The following CFAP44 variants were observed in gnomAD, a reference collection of about 807,000 sequenced individuals.
CFAP44 encodes cilia and flagella associated protein 44, also known as cilia- and flagella-associated protein 44.
CFAP44 carries 134 observed loss-of-function variants against 216.2 expected under a neutral mutation model. That is an observed-to-expected ratio of 0.62 (90% confidence interval 0.54 to 0.72). CFAP44 has a LOEUF of 0.72. CFAP44 is among the 30% of genes least tolerant of loss of function. The probability of loss-of-function intolerance (pLI) is 0.00; values close to 1 mark genes in which losing one functional copy is unlikely to be tolerated. For synonymous variants in CFAP44, 700 were observed against 727.6 expected, an observed-to-expected ratio of 0.96 and a Z score of 0.61; for missense variants, 2,035 against 2,182.1, an observed-to-expected ratio of 0.93 and a Z score of 1.34.
At chr3:113,390,970 C>G (rs931154022) in intron 15 of CFAP44, among the ~76,000 whole-genome samples, 1 of 152,076 alleles carries the variant, frequency 6.6e-6, no homozygotes, top group Non-Finnish European at 1.5e-5. Context: ...CAATCACATT[C>G]TTCATACACA....
intron 18 of CFAP44, among the ~76,000 whole-genome samples, chr3:113,369,412 A>G (rs1238470625): frequency 6.6e-6 from 1 of 152,232 alleles, no homozygotes; most frequent in Non-Finnish European, 1.5e-5. Flanking sequence ...ACTAGAACTC[A>G]GGTTAATAAA....
chr3:113,337,074 C>CA lies in CFAP44; in HGVS notation c.3438-3492dup, dbSNP rs1427110583. Among the ~76,000 whole-genome samples the CA allele has an allele frequency of 4.7e-5, 7 of 149,442 alleles. No homozygotes were observed. In the South Asian group the frequency reaches 1.5e-3, roughly 32 times the overall value. ...ACACTTAAAATACCAAGAAACCTAC[C>CA]AAAAAAATCTTACAACTGAGACAGT... is the stretch of plus-strand genomic sequence containing the variant. On this transcript the variant is annotated intron_variant, in intron 24 of 34. Coordinates refer to ENST00000393845, the MANE Select transcript of CFAP44 (RefSeq NM_001164496.2).
chr3:113,424,563 A>C (rs550785918), intron 4 of CFAP44, among the ~76,000 whole-genome samples: 9 of 152,324 alleles, frequency 5.9e-5, no homozygotes, highest in Non-Finnish European at 1.0e-4. Context: ...TTCTTCCTAG[A>C]ATTCCTCACA....
Position 113,287,999 on chromosome 3 carries a change from T to G in CFAP44, c.*3558A>C, listed in dbSNP as rs1432939960. ...TTTTTTAATTGAAATTTTAAAATCT[T>G]TATATGTGGAAGTGGAATTAGATGG... is the stretch of plus-strand genomic sequence containing the variant. On this transcript the variant is annotated 3_prime_UTR_variant, in exon 35 of 35. Transcript: ENST00000393845. 1 of 152,172 alleles carries G rather than the reference T, an allele frequency of 6.6e-6. No homozygotes were observed. The highest frequency in any genetic ancestry group is 6.5e-5 in the Admixed American group (1 of 15,284). The allele number at this position is 152,172 out of a possible 1,614,324, so 9.4% of individuals were successfully genotyped here.
At chr3:113,296,669 GGATTTCTTGCCTCCAGCCA>G in intron 33 of CFAP44, 37 bp downstream of exon 33, 2 of 1,517,652 alleles carry the variant, frequency 1.3e-6, no homozygotes, top group South Asian at 2.4e-5. Flanking sequence ...CTGCTCCCTG[GGATTTCTTGCCTCCAGCCA>G]GATTCAACCA....
At chr3:113,381,153 T>C (rs966507153) in intron 15 of CFAP44, 93 bp from the exon 16 acceptor site, 1 of 898,012 alleles carries the variant, frequency 1.1e-6, no homozygotes, top group Non-Finnish European at 1.5e-6. Context: ...TTACTATGTA[T>C]ATTAGCCATG....
At position 113,291,514 on chromosome 3, in the gene CFAP44, AGTTAT is replaced by A; in HGVS notation, c.*38_*42del. ...TGATGAGGAGACAGAACTTCCAGTG[AGTTAT>A]GTCAGAAATCTTGTATGGGTTTGAG... is the stretch of plus-strand genomic sequence containing the variant. On this transcript the variant is annotated 3_prime_UTR_variant, in exon 35 of 35. Coordinates refer to ENST00000393845, the MANE Select transcript of CFAP44 (RefSeq NM_001164496.2). 1.3e-6 allele frequency: 2 copies of A among 1,521,152 alleles called. No individual in the cohort carries two copies. The highest frequency in any genetic ancestry group is 1.8e-6 in the Non-Finnish European group (2 of 1,135,356). The allele number at this position is 1,521,152 out of a possible 1,614,324, so 94.2% of individuals were successfully genotyped here.
intron 28 of CFAP44, among the ~76,000 whole-genome samples, chr3:113,315,010 G>A (rs1036609084): frequency 2.0e-5 from 3 of 151,848 alleles, no homozygotes; most frequent in Non-Finnish European, 4.4e-5. Flanking sequence ...AGGAAAGCAG[G>A]AAAAATTTTA....
At chr3:113,424,005 G>C (rs1934892036) in intron 4 of CFAP44, among the ~76,000 whole-genome samples, 1 of 152,216 alleles carries the variant, frequency 6.6e-6, no homozygotes, top group Non-Finnish European at 1.5e-5. Context: ...CTCAAGAGTA[G>C]GCTAGAGTCT....
At chr3:113,374,760 G>A (rs896916991) in intron 17 of CFAP44, among the ~76,000 whole-genome samples, 2 of 152,036 alleles carry the variant, frequency 1.3e-5, no homozygotes, top group Non-Finnish European at 2.9e-5. Flanking sequence ...TCGGCCTCCC[G>A]GGTAGCTAGG....
intron 23 of CFAP44, among the ~76,000 whole-genome samples, chr3:113,342,210 G>A (rs190307717): frequency 6.6e-6 from 1 of 152,218 alleles, no homozygotes; most frequent in Non-Finnish European, 1.5e-5. Context: ...GTGCATTCCT[G>A]TAATCTCAGC....
In CFAP44 at chr3:113,404,018, T is replaced by G; in HGVS notation, c.1006-2A>C. ...GCCCCATTCTGACCCTGAGAGCACC[T>G]GGCAGGTATGTGGAAAAAAGAAATG... On this transcript the variant is annotated splice_acceptor_variant, in intron 8 of 34. Transcript: ENST00000393845. LOFTEE classifies it high-confidence loss of function. 1.9e-6 allele frequency: 3 copies of G among 1,611,088 alleles called. No homozygotes were observed. Among genetic ancestry groups the G allele is most frequent in the Non-Finnish European group, 2.5e-6 (3 of 1,178,258 alleles).
intron 18 of CFAP44, among the ~76,000 whole-genome samples, chr3:113,368,130 T>G (rs1444277829): frequency 6.6e-6 from 1 of 152,158 alleles, no homozygotes; most frequent in Non-Finnish European, 1.5e-5. Context: ...TACCTGAAAG[T>G]GATGGGGAAA....
chr3:113,383,376 ACT>A (rs1933564414), intron 15 of CFAP44, among the ~76,000 whole-genome samples: 2 of 151,856 alleles, frequency 1.3e-5, no homozygotes, highest in Non-Finnish European at 2.9e-5. Flanking sequence ...GAGAGAAGAA[ACT>A]CTGGTCTCTT....
chr3:113,299,819 G>A (rs1404591812), intron 32 of CFAP44, among the ~76,000 whole-genome samples: 2 of 152,140 alleles, frequency 1.3e-5, no homozygotes, highest in African/African-American at 4.8e-5. Flanking sequence ...CTTGAGCCCA[G>A]GAGTTTGAGA....
At chr3:113,342,318 G>A (rs1484989466) in intron 23 of CFAP44, among the ~76,000 whole-genome samples, 1 of 152,166 alleles carries the variant, frequency 6.6e-6, no homozygotes, top group African/African-American at 2.4e-5. Flanking sequence ...GGGGAACAGA[G>A]TGAGACTCTG....
At chr3:113,418,056 C>A (rs1200882883) in intron 5 of CFAP44, among the ~76,000 whole-genome samples, 1 of 97,652 alleles carries the variant, frequency 1.0e-5, no homozygotes, top group Non-Finnish European at 2.0e-5. Flanking sequence ...TATTGAGACA[C>A]AATTTATTTA....
rs1312588340 is a variant in CFAP44, at chr3:113,290,359, C to T, written c.*1198G>A. ...AGAATATGCTGATGTACAAAGAAAG[C>T]AAGACCTGTCTGTAATTTTGGGGGG... On this transcript the variant is annotated 3_prime_UTR_variant, in exon 35 of 35. Coordinates refer to ENST00000393845, the MANE Select transcript of CFAP44 (RefSeq NM_001164496.2). The T allele has an allele frequency of 6.6e-6, 1 of 152,182 alleles. No homozygotes were observed. Among genetic ancestry groups the T allele is most frequent in the Non-Finnish European group, 1.5e-5 (1 of 68,034 alleles). The allele number at this position is 152,182 out of a possible 1,614,324, so 9.4% of individuals were successfully genotyped here.
At chr3:113,365,713 A>C (rs1337717030) in intron 19 of CFAP44, among the ~76,000 whole-genome samples, 1 of 152,192 alleles carries the variant, frequency 6.6e-6, no homozygotes, top group Non-Finnish European at 1.5e-5. Context: ...TGAAAAGCAA[A>C]AGAAAATCTG....
Sources: gnomAD v4.1 joint callset for allele counts (sites outside exome capture counted in the v4.1 genomes callset) on GRCh38, gnomAD v4.1.1 for gene constraint, MANE v1.5 for transcripts, NCBI Gene and HGNC (gene_info 2026-07-23, HGNC 2026-07-21) for gene names.